FMO1: variants seen among roughly 807,000 people sequenced by gnomAD.
FMO1 encodes flavin containing dimethylaniline monoxygenase 1.
Under a neutral mutation model 45.4 loss-of-function variants are expected in FMO1, and 36 were observed. That is an observed-to-expected ratio of 0.79 (90% confidence interval 0.61 to 1.05). The LOEUF (loss-of-function observed/expected upper bound fraction) is 1.05. Ranked by LOEUF, FMO1 falls within the 50% of genes least tolerant of loss-of-function variation. FMO1 has a pLI of 0.00. For missense variants in FMO1, 615 were observed against 640.3 expected (o/e 0.96, Z 0.43); for synonymous variants, 228 against 227.2 (o/e 1.00, Z -0.03).
chr1:171,267,098 T>C (rs1199370976), intron 2 of FMO1, among the ~76,000 whole-genome samples: 1 of 152,248 alleles, frequency 6.6e-6, no homozygotes, highest in African/African-American at 2.4e-5. Flanking sequence ...TTGCCTCTGC[T>C]CATGCCCTCA....
At position 171,250,816 on chromosome 1, in the gene FMO1, T is replaced by C. The variant is rs966779385; in HGVS notation, c.-7+2193T>C. 5.9e-5 allele frequency among the ~76,000 whole-genome samples: 9 copies of C among 152,326 alleles called. No individual in the cohort carries two copies. The East Asian group carries it at 1.7e-3, about 29-fold the overall frequency. ...TATTTATTTTATATTTAGTCAGCTT[T>C]ACTGAGGCTTTTCTCATTAAAATAA... On this transcript the variant is annotated intron_variant, in intron 1 of 8. Transcript: ENST00000617670.
intron 1 of FMO1, among the ~76,000 whole-genome samples, chr1:171,250,110 A>G (rs1659819119): frequency 6.6e-6 from 1 of 152,238 alleles, no homozygotes; most frequent in Admixed American, 6.5e-5. Flanking sequence ...AACAAGTAAT[A>G]TACAAACTAA....
chr1:171,274,148 CAAAAAAAAA>C (rs36027678), intron 3 of FMO1, among the ~76,000 whole-genome samples: 3 of 96,688 alleles, frequency 3.1e-5, no homozygotes, highest in Non-Finnish European at 6.6e-5. Context: ...GACTCCATCT[CAAAAAAAAA>C]AAAAAAAAAG....
chr1:171,285,328 G>A lies in FMO1; in HGVS notation c.1383G>A (p.Leu461=). The part of the protein sequence containing the change: ...SMLLTDPHLA[L]TVFFGPCSPY... ...TCCTAACGGATCCACATCTGGCTCT[G>A]ACCGTCTTCTTTGGCCCATGCTCAC... Residue 461 remains leucine (L), a synonymous_variant, in exon 9 of 9, where the codon CTG becomes CTA. Transcript: ENST00000617670. 4 of 1,614,008 alleles carry A rather than the reference G, an allele frequency of 2.5e-6. No homozygotes were observed. Among genetic ancestry groups the A allele is most frequent in the Non-Finnish European group, 3.4e-6 (4 of 1,179,958 alleles).
chr1:171,252,965 A>G (rs1467008280), intron 1 of FMO1, among the ~76,000 whole-genome samples: 1 of 152,212 alleles, frequency 6.6e-6, no homozygotes, highest in East Asian at 1.9e-4. Flanking sequence ...GGAAGCATGA[A>G]TTTTGATCTG....
At chr1:171,268,618 T>C (rs1407906063) in intron 3 of FMO1, among the ~76,000 whole-genome samples, 4 of 152,232 alleles carry the variant, frequency 2.6e-5, no homozygotes, top group East Asian at 3.9e-4. Context: ...CCTTTTTTTT[T>C]CCTTTTTTTC....
At chr1:171,264,381 A>G (rs1041222142) in intron 2 of FMO1, among the ~76,000 whole-genome samples, 12 of 149,610 alleles carry the variant, frequency 8.0e-5, no homozygotes, top group Non-Finnish European at 1.3e-4. Flanking sequence ...TTATATTTAT[A>G]TATAGAGAGA....
intron 3 of FMO1, among the ~76,000 whole-genome samples, chr1:171,272,902 G>A (rs372736123): frequency 3.9e-5 from 6 of 152,198 alleles, no homozygotes; most frequent in Non-Finnish European, 7.3e-5. Flanking sequence ...AAGACCTTGG[G>A]GGGGAACTGT....
rs1395413617 is a variant in FMO1 at position 171,272,899 on chromosome 1, T to TG, written c.322-2440dup. Among the ~76,000 whole-genome samples the TG allele has an allele frequency of 2.0e-5, 3 of 152,130 alleles. No individual in the cohort carries two copies. The South Asian group carries it at 6.2e-4, about 32-fold the overall frequency. Reference sequence around the variant, plus strand: ...TTAATGCTGAAATGAGTTAAGACCTTGGGGGGGAACTGTTGGGAAGGCATA... The same window carrying TG: ...TTAATGCTGAAATGAGTTAAGACCTTGGGGGGGGAACTGTTGGGAAGGCATA... On this transcript the variant is annotated intron_variant, in intron 3 of 8. Coordinates refer to ENST00000617670, the MANE Select transcript of FMO1 (RefSeq NM_001282693.2).
chr1:171,254,504 G>T (rs1461218586), intron 1 of FMO1, among the ~76,000 whole-genome samples: 1 of 152,144 alleles, frequency 6.6e-6, no homozygotes, highest in African/African-American at 2.4e-5. Flanking sequence ...CAAGTGTGTT[G>T]TTAGGAGCTA....
intron 2 of FMO1, among the ~76,000 whole-genome samples, chr1:171,265,542 A>T (rs754214076): frequency 2.0e-5 from 3 of 152,070 alleles, no homozygotes; most frequent in Non-Finnish European, 4.4e-5. Flanking sequence ...AACAACATAG[A>T]TATAAAGGAA....
chr1:171,249,681 G>GT (rs1659793787), intron 1 of FMO1, among the ~76,000 whole-genome samples: 1 of 150,322 alleles, frequency 6.7e-6, no homozygotes, highest in Admixed American at 6.6e-5. Context: ...GCACTAAGGT[G>GT]TAGGAGTGTG....
intron 8 of FMO1, 100 bp from the exon 9 acceptor site, chr1:171,285,102 A>C: frequency 1.3e-6 from 1 of 748,746 alleles, no homozygotes; most frequent in Non-Finnish European, 2.1e-6. Context: ...AACCATCCCA[A>C]ATTCTGCAGC....
intron 2 of FMO1, among the ~76,000 whole-genome samples, chr1:171,261,944 C>T (rs1660395930): frequency 1.3e-5 from 2 of 152,156 alleles, no homozygotes; most frequent in South Asian, 4.1e-4. Flanking sequence ...AGAACCACTT[C>T]TGACCCAAGT....
chr1:171,283,087 G>A (rs2101845849), intron 7 of FMO1, 57 bp from the exon 8 acceptor site: 2 of 899,362 alleles, frequency 2.2e-6, no homozygotes, highest in Non-Finnish European at 1.8e-6. Context: ...TTATCCATAA[G>A]TCAACAGCTA....
chr1:171,266,286 A>G (rs907461362), intron 2 of FMO1, among the ~76,000 whole-genome samples: 3 of 152,214 alleles, frequency 2.0e-5, no homozygotes, highest in Non-Finnish European at 4.4e-5. Context: ...AATTATTGCT[A>G]TAAAAGTTTC....
intron 1 of FMO1, among the ~76,000 whole-genome samples, chr1:171,252,460 C>A (rs930023205): frequency 1.3e-5 from 2 of 152,146 alleles, no homozygotes; most frequent in Non-Finnish European, 2.9e-5. Context: ...CAACTGCCCT[C>A]GTCTCTTTCC....
At chr1:171,260,020 G>C (rs955155867) in intron 2 of FMO1, among the ~76,000 whole-genome samples, 18 of 152,242 alleles carry the variant, frequency 1.2e-4, no homozygotes, top group Admixed American at 5.2e-4. Context: ...TGAAGAGGTA[G>C]TGTGTGATGG....
rs28360419 is a variant in FMO1, at chr1:171,282,114, A to T, written c.964A>T (p.Ile322Phe). Residue 322 changes from isoleucine to phenylalanine, a missense_variant, in exon 7 of 9, where the codon ATT becomes TTT. By Grantham distance (21) the Ile-to-Phe change is conservative. Transcript: ENST00000617670. ...IFNNTSKEEP[I>F]DIIVFATGYT... ...TAACAATACTTCAAAGGAAGAGCCT[A>T]TTGACATCATTGTCTTTGCCACTGG... 1 of 1,613,822 alleles carries T rather than the reference A, an allele frequency of 6.2e-7. No individual in the cohort carries two copies. The highest frequency in any genetic ancestry group is 1.7e-5 in the Admixed American group (1 of 59,980).
Sources: allele counts gnomAD v4.1 joint callset (sites outside exome capture counted in the v4.1 genomes callset), GRCh38; gene constraint gnomAD v4.1.1; transcripts MANE v1.5; gene names NCBI Gene and HGNC (gene_info 2026-07-23, HGNC 2026-07-21).